PLEK: variants seen among roughly 807,000 people sequenced by gnomAD.
PLEK encodes platelet 47 kDa protein.
A neutral mutation model predicts 43.9 loss-of-function variants in PLEK; 25 were observed. That is an observed-to-expected ratio of 0.57 (90% CI 0.41 to 0.79). The LOEUF is 0.79. Ranked by LOEUF, PLEK falls within the 30% of genes least tolerant of loss-of-function variation. The pLI is 0.00. For missense variants in PLEK, 396 were observed against 413.3 expected (o/e 0.96, Z 0.36); for synonymous variants, 152 against 144.4 (o/e 1.05, Z -0.38).
At chr2:68,389,459 T>A (rs1673817163) in intron 6 of PLEK, among the ~76,000 whole-genome samples, 1 of 152,160 alleles carries the variant, frequency 6.6e-6, no homozygotes, top group Non-Finnish European at 1.5e-5. Context: ...GTTAGGACCC[T>A]GAATGTCCAT....
intron 4 of PLEK, among the ~76,000 whole-genome samples, chr2:68,385,081 C>T (rs1362297327): frequency 6.6e-6 from 1 of 152,182 alleles, no homozygotes; most frequent in Admixed American, 6.5e-5. Flanking sequence ...TGTTGACTCC[C>T]TTGTTGGCTA....
intron 3 of PLEK, among the ~76,000 whole-genome samples, chr2:68,381,552 G>C (rs1194855235): frequency 6.6e-6 from 1 of 152,192 alleles, no homozygotes; most frequent in East Asian, 1.9e-4. Flanking sequence ...CTTCTTGGTA[G>C]TTTTGCTTTT....
intron 6 of PLEK, among the ~76,000 whole-genome samples, chr2:68,392,121 T>TCTTC (rs1292104422): frequency 6.7e-6 from 1 of 148,174 alleles, no homozygotes; most frequent in East Asian, 1.9e-4. Flanking sequence ...CTTCTTTCTT[T>TCTTC]CTTCCTTCCT....
At chr2:68,382,032 C>T (rs780736926) in intron 3 of PLEK, among the ~76,000 whole-genome samples, 4 of 152,192 alleles carry the variant, frequency 2.6e-5, no homozygotes, top group Non-Finnish European at 4.4e-5. Flanking sequence ...AACTTCTCAC[C>T]ATTTTGCCTT....
Position 68,388,429 on chromosome 2 carries a change from G to T in PLEK, c.700G>T (p.Asp234Tyr), listed in dbSNP as rs1386586303. Residue 234 changes from aspartate to tyrosine, a missense_variant, in exon 6 of 9, where the codon GAT (aspartate) becomes TAT (tyrosine). By Grantham distance (160) the Asp-to-Tyr change is radical. Coordinates refer to ENST00000234313, the MANE Select transcript of PLEK (RefSeq NM_002664.3). ...FFCEENSSDD[D>Y]VILKEEFRGV... Reference sequence around the variant, plus strand: ...CTGTGAAGAGAATTCCAGTGATGATGATGTGATTCTGAAAGAAGAATTCAG... The same window carrying T: ...CTGTGAAGAGAATTCCAGTGATGATTATGTGATTCTGAAAGAAGAATTCAG... 3 of 1,612,290 alleles carry T rather than the reference G, an allele frequency of 1.9e-6. No individual in the cohort carries two copies. In the South Asian group the frequency reaches 3.3e-5, roughly 18 times the overall value.
intron 1 of PLEK, among the ~76,000 whole-genome samples, chr2:68,378,699 G>A (rs999945806): frequency 2.0e-5 from 3 of 152,116 alleles, no homozygotes; most frequent in Non-Finnish European, 2.9e-5. Flanking sequence ...GAGCACATTC[G>A]AACTTATAAA....
intron 8 of PLEK, among the ~76,000 whole-genome samples, chr2:68,395,268 CAGAT>C (rs1673943119): frequency 1.3e-5 from 2 of 150,662 alleles, no homozygotes; most frequent in Admixed American, 1.3e-4. Context: ...AACAGAAAGA[CAGAT>C]AGATAGGTAG....
chr2:68,366,016 T>A (rs1673265955), intron 1 of PLEK, among the ~76,000 whole-genome samples: 2 of 152,186 alleles, frequency 1.3e-5, no homozygotes, highest in African/African-American at 4.8e-5. Flanking sequence ...TGAAAAAGGC[T>A]TAGCCTCCCT....
chr2:68,377,999 C>A lies in PLEK; in HGVS notation c.43-2329C>A, dbSNP rs549886836. ...CCCCCTGGAACATATAGTTGGGTGGCAATAGTTGACAGAGTGATTTTACAC... is the reference window on the plus strand; with the variant it reads ...CCCCCTGGAACATATAGTTGGGTGGAAATAGTTGACAGAGTGATTTTACAC... On this transcript the variant is annotated intron_variant, in intron 1 of 8. Transcript: ENST00000234313. 4.6e-5 allele frequency among the ~76,000 whole-genome samples: 7 copies of A among 152,162 alleles called. No individual in the cohort carries two copies. The South Asian group carries it at 1.0e-3, about 23-fold the overall frequency.
At chr2:68,389,280 C>T (rs926750954) in intron 6 of PLEK, among the ~76,000 whole-genome samples, 1 of 152,256 alleles carries the variant, frequency 6.6e-6, no homozygotes, top group African/African-American at 2.4e-5. Context: ...CACAAGGCAT[C>T]TTAGAGGCCA....
chr2:68,367,137 A>G (rs539998483), intron 1 of PLEK, among the ~76,000 whole-genome samples: 1 of 152,316 alleles, frequency 6.6e-6, no homozygotes, highest in South Asian at 2.1e-4. Context: ...TTTTGTATTG[A>G]TAGTTTTACA....
chr2:68,376,807 C>T (rs1673511900), intron 1 of PLEK, among the ~76,000 whole-genome samples: 1 of 152,044 alleles, frequency 6.6e-6, no homozygotes, highest in Admixed American at 6.6e-5. Flanking sequence ...TTAAAATATA[C>T]AATTAAGTTG....
chr2:68,373,030 T>A (rs917251282), intron 1 of PLEK, among the ~76,000 whole-genome samples: 22 of 152,160 alleles, frequency 1.4e-4, no homozygotes, highest in African/African-American at 4.6e-4. Context: ...TGTTGGTAGA[T>A]GATCCTAAAT....
chr2:68,380,466 G>A lies in PLEK; in HGVS notation c.181G>A (p.Asp61Asn). The change falls in exon 2 of 9, where the codon GAC (aspartate) becomes AAC (asparagine). Residue 61 changes from aspartate (D) to asparagine (N), a missense_variant. By Grantham distance (23) the Asp-to-Asn change is conservative (BLOSUM62 1). Coordinates refer to ENST00000234313, the MANE Select transcript of PLEK (RefSeq NM_002664.3). ...GAGCACTCTGACTAGCCCTTGTCAA[G>A]ACTTTGGCAAAAGGATGGTAAGTTG... ...KGSTLTSPCQ[D>N]FGKRMFVFKI... The A allele has an allele frequency of 1.9e-6, 3 of 1,613,688 alleles. 1 individual carries two copies. The highest frequency in any genetic ancestry group is 2.5e-6 in the Non-Finnish European group (3 of 1,179,790).
At chr2:68,371,734 C>T (rs1673410614) in intron 1 of PLEK, among the ~76,000 whole-genome samples, 1 of 152,140 alleles carries the variant, frequency 6.6e-6, no homozygotes, top group African/African-American at 2.4e-5. Flanking sequence ...CGTTTAAAGA[C>T]AGAATTATCA....
chr2:68,395,944 G>C lies in PLEK; in HGVS notation c.*128G>C, dbSNP rs750083058. ...GGTGGGAAGTTTTCATTTGCAGGGG[G>C]GTCTGAATGTAACTCACCATGTGGT... On this transcript the variant is annotated 3_prime_UTR_variant, in exon 9 of 9. Coordinates refer to ENST00000234313, the MANE Select transcript of PLEK (RefSeq NM_002664.3). 3.9e-6 allele frequency: 3 copies of C among 775,400 alleles called. No homozygotes were observed. The highest frequency in any genetic ancestry group is 1.7e-5 in the African/African-American group (1 of 57,202). 48.0% of individuals were successfully genotyped at this position (775,400 alleles called of 1,614,324 possible). A position where few individuals can be genotyped will look rare whatever the true frequency, so the allele number is the denominator to read the frequency against.
chr2:68,394,069 AT>A, intron 7 of PLEK, 37 bp from the exon 8 acceptor site: 1 of 1,402,194 alleles, frequency 7.1e-7, no homozygotes, highest in African/African-American at 1.4e-5. Flanking sequence ...TATACTCTGC[AT>A]TTTGGAAACA....
intron 7 of PLEK, among the ~76,000 whole-genome samples, chr2:68,393,482 A>C (rs1673900402): frequency 6.6e-6 from 1 of 152,124 alleles, no homozygotes. Context: ...ACTATATTAT[A>C]ATTTATTTGG....
At position 68,370,320 on chromosome 2, in the gene PLEK, G is replaced by C. The variant is rs562786449; in HGVS notation, c.42+4927G>C. On this transcript the variant is annotated intron_variant, in intron 1 of 8. Transcript: ENST00000234313. Reference sequence around the variant, plus strand: ...AAATATCCGATTGCCCCAACCCTCAGCCATTGGTTGTAGCTTCTTTCTGTG... The same window carrying C: ...AAATATCCGATTGCCCCAACCCTCACCCATTGGTTGTAGCTTCTTTCTGTG... 1.6e-3 allele frequency among the ~76,000 whole-genome samples: 242 copies of C among 152,300 alleles called. 2 individuals are homozygous for C. Among genetic ancestry groups the C allele is most frequent in the African/African-American group, 5.7e-3 (238 of 41,554 alleles).
Sources: allele counts gnomAD v4.1 joint callset (sites outside exome capture counted in the v4.1 genomes callset), GRCh38; gene constraint gnomAD v4.1.1; transcripts MANE v1.5; gene names NCBI Gene and HGNC (gene_info 2026-07-23, HGNC 2026-07-21).